CADPS: variants seen among roughly 807,000 people sequenced by gnomAD.
CADPS encodes calcium dependent secretion activator.
A neutral mutation model predicts 167.3 loss-of-function variants in CADPS; 57 were observed. The ratio of observed to expected loss-of-function variants is 0.34; its 90% CI spans 0.28 to 0.42. CADPS has a LOEUF of 0.42. Ranked by LOEUF, CADPS falls within the 20% of genes least tolerant of loss-of-function variation. The pLI is 1.00. For synonymous variants in CADPS, 676 were observed against 635.3 expected, an observed-to-expected ratio of 1.06 and a Z score of -0.96; for missense variants, 1,414 against 1,738.1, an observed-to-expected ratio of 0.81 and a Z score of 3.32.
chr3:62,504,125 C>T (rs975230080), intron 17 of CADPS, among the ~76,000 whole-genome samples: 1 of 152,082 alleles, frequency 6.6e-6, no homozygotes, highest in African/African-American at 2.4e-5. Context: ...AGATCCTCTT[C>T]TTGCTGGACC....
rs143538153 is a variant in CADPS at position 62,864,599 on chromosome 3, C to T, written c.441+9990G>A. The stretch of plus-strand genomic sequence containing the variant: ...TCACCCCAATCTGTCTTCCTTTTCA[C>T]GTGGCCTTCTCCGTGTGTGCATATC... On this transcript the variant is annotated intron_variant, in intron 1 of 29. Coordinates refer to ENST00000383710, the MANE Select transcript of CADPS (RefSeq NM_003716.4). 1.8e-3 allele frequency among the ~76,000 whole-genome samples: 274 copies of T among 152,256 alleles called. 1 individual carries two copies. Among genetic ancestry groups the T allele is most frequent in the African/African-American group, 6.2e-3 (258 of 41,558 alleles).
At chr3:62,635,773 A>C (rs557562458) in intron 6 of CADPS, among the ~76,000 whole-genome samples, 2 of 152,062 alleles carry the variant, frequency 1.3e-5, no homozygotes, top group Admixed American at 1.3e-4. Context: ...TACTCTGAAG[A>C]GGTTTTCAAG....
chr3:62,632,410 C>A (rs1282021616), intron 6 of CADPS, among the ~76,000 whole-genome samples: 1 of 152,128 alleles, frequency 6.6e-6, no homozygotes, highest in Non-Finnish European at 1.5e-5. Flanking sequence ...AAAATAGTTA[C>A]CAAATAAATA....
intron 3 of CADPS, among the ~76,000 whole-genome samples, chr3:62,697,389 C>A (rs79761431): frequency 0.079 from 12,062 of 152,026 alleles, 630 homozygotes; most frequent in Non-Finnish European, 0.12. Context: ...TAAGTTACTT[C>A]AGTAACTTAG....
At chr3:62,587,207 G>A (rs1237939572) in intron 7 of CADPS, among the ~76,000 whole-genome samples, 4 of 152,128 alleles carry the variant, frequency 2.6e-5, no homozygotes, top group South Asian at 2.1e-4. Flanking sequence ...TTCTGAGGTC[G>A]CTTATTTTGT....
Position 62,585,451 on chromosome 3 carries a change from G to T in CADPS, c.1438-127C>A. On this transcript the variant is annotated intron_variant, in intron 7 of 29. Transcript: ENST00000383710. ...CCACTGTGGAGCAGCCATACCTGGG[G>T]ATAGAAACACATTCTTTTGATCCTT... 3.5e-6 allele frequency: 3 copies of T among 849,970 alleles called. No individual in the cohort carries two copies. In the East Asian group the frequency reaches 8.0e-5, roughly 23 times the overall value. 52.7% of individuals were successfully genotyped at this position (849,970 alleles called of 1,614,324 possible).
intron 17 of CADPS, among the ~76,000 whole-genome samples, chr3:62,501,330 A>G (rs1413008689): frequency 1.3e-5 from 2 of 152,202 alleles, no homozygotes; most frequent in Non-Finnish European, 2.9e-5. Context: ...TTTCATTCGT[A>G]GACTTTCAGG....
chr3:62,566,280 G>C (rs958518794), intron 9 of CADPS, among the ~76,000 whole-genome samples: 3 of 152,188 alleles, frequency 2.0e-5, no homozygotes, highest in African/African-American at 7.2e-5. Context: ...GTGGTTCTCC[G>C]GGTTTCATGT....
At chr3:62,527,443 G>A (rs376244016) in intron 13 of CADPS, among the ~76,000 whole-genome samples, 16 of 151,926 alleles carry the variant, frequency 1.1e-4, no homozygotes, top group African/African-American at 3.9e-4. Context: ...AATGTTCTGT[G>A]TGTGCTGGGG....
chr3:62,534,190 G>A (rs952319155), intron 12 of CADPS, among the ~76,000 whole-genome samples: 2 of 152,232 alleles, frequency 1.3e-5, no homozygotes, highest in South Asian at 2.1e-4. Flanking sequence ...GGAAATTTGG[G>A]GCTATTTTAA....
intron 3 of CADPS, among the ~76,000 whole-genome samples, chr3:62,706,055 T>C (rs1234066238): frequency 6.6e-6 from 1 of 152,114 alleles, no homozygotes; most frequent in Admixed American, 6.5e-5. Context: ...TGTCACTATC[T>C]GGGCTGCCAC....
In CADPS at chr3:62,544,111, T is replaced by C. The variant is rs1047353298; in HGVS notation, c.1966+5792A>G. On this transcript the variant is annotated intron_variant, in intron 11 of 29. Transcript: ENST00000383710. This position sits in a 1 kb window ranked among gnomAD's most constrained non-coding sequence, Gnocchi z 4.4. ...TTGTAAGACTGTGAATCCAAAGCAT[T>C]TGTAAATGAGTGACATGGATTCAGT... 1.3e-5 allele frequency among the ~76,000 whole-genome samples: 2 copies of C among 152,054 alleles called. No individual in the cohort carries two copies. The highest frequency in any genetic ancestry group is 4.8e-5 in the African/African-American group (2 of 41,432).
At chr3:62,612,619 T>C (rs2061656789) in intron 6 of CADPS, among the ~76,000 whole-genome samples, 1 of 152,226 alleles carries the variant, frequency 6.6e-6, no homozygotes, top group African/African-American at 2.4e-5. Context: ...ATGTCTATAA[T>C]GGAGATGAGT....
intron 13 of CADPS, among the ~76,000 whole-genome samples, chr3:62,527,732 C>A (rs766880937): frequency 6.6e-6 from 1 of 152,040 alleles, no homozygotes; most frequent in Non-Finnish European, 1.5e-5. Flanking sequence ...CTGCCTCTGC[C>A]GGTGGAAATG....
intron 26 of CADPS, among the ~76,000 whole-genome samples, chr3:62,459,969 A>T (rs959862021): frequency 6.6e-6 from 1 of 152,180 alleles, no homozygotes; most frequent in African/African-American, 2.4e-5. Context: ...TGAAAAATAG[A>T]TGACTCTTTC....
intron 1 of CADPS, among the ~76,000 whole-genome samples, chr3:62,861,921 T>C (rs1172261326): frequency 6.6e-6 from 1 of 152,200 alleles, no homozygotes; most frequent in Non-Finnish European, 1.5e-5. Flanking sequence ...TCAAAATGTA[T>C]CACACTGCTA....
intron 3 of CADPS, among the ~76,000 whole-genome samples, chr3:62,719,039 T>C (rs1320479269): frequency 6.6e-6 from 1 of 152,196 alleles, no homozygotes; most frequent in Non-Finnish European, 1.5e-5. Flanking sequence ...CCTTTGTGCA[T>C]TCAGAGGTCC....
chr3:62,508,932 T>C (rs957395040), intron 17 of CADPS, among the ~76,000 whole-genome samples: 5 of 152,056 alleles, frequency 3.3e-5, no homozygotes, highest in South Asian at 2.1e-4. Flanking sequence ...TCCCCACTTA[T>C]GGTAAAGTAT....
intron 1 of CADPS, among the ~76,000 whole-genome samples, chr3:62,768,701 T>C (rs967004552): frequency 5.9e-5 from 9 of 152,112 alleles, no homozygotes; most frequent in African/African-American, 1.9e-4. Context: ...AGGGATCTTA[T>C]AGTCTAGGTG....
Sources: allele counts gnomAD v4.1 joint callset (sites outside exome capture counted in the v4.1 genomes callset), GRCh38; gene constraint gnomAD v4.1.1; non-coding constraint Gnocchi (gnomAD v3.1); transcripts MANE v1.5; gene names NCBI Gene and HGNC (gene_info 2026-07-23, HGNC 2026-07-21).